Variants in CEP112 observed in about 807,000 individuals in gnomAD.
CEP112 encodes centrosomal protein 112.
In CEP112, 127 loss-of-function variants were observed where a neutral mutation model predicts 153.0. The ratio of observed to expected loss-of-function variants is 0.83; its 90% CI spans 0.72 to 0.96. CEP112 has a LOEUF of 0.96. CEP112 is among the 40% of genes least tolerant of loss of function. The pLI is 0.00. For missense variants in CEP112, 1,089 were observed against 1,101.2 expected (o/e 0.99, Z 0.16); for synonymous variants, 358 against 374.4 (o/e 0.96, Z 0.51).
intron 4 of CEP112, among the ~76,000 whole-genome samples, chr17:66,171,869 C>A (rs2072255131): frequency 6.6e-6 from 1 of 152,194 alleles, no homozygotes; most frequent in Non-Finnish European, 1.5e-5. Flanking sequence ...TGACATTTGA[C>A]AGAGGATATT....
At position 65,821,131 on chromosome 17, in the gene CEP112, ATGT is replaced by A. The variant is rs1326859361; in HGVS notation, c.2394+30670_2394+30672del. ...ACATTCTGAAAAAAAAAAACAAAAA[ATGT>A]TGTACAATGCTCTACACCTGGCTGG... On this transcript the variant is annotated intron_variant, in intron 21 of 26. Transcript: ENST00000535342. 3.4e-3 allele frequency among the ~76,000 whole-genome samples: 515 copies of A among 151,638 alleles called. 3 individuals carry two copies. The highest frequency in any genetic ancestry group is 0.012 in the African/African-American group (502 of 41,368).
chr17:65,878,074 A>G (rs1007187427), intron 20 of CEP112, among the ~76,000 whole-genome samples: 4 of 152,240 alleles, frequency 2.6e-5, no homozygotes, highest in East Asian at 1.9e-4. Context: ...TACTGTTTCA[A>G]TTACACAAGA....
At chr17:65,969,663 C>A (rs1370566198) in intron 17 of CEP112, among the ~76,000 whole-genome samples, 1 of 152,216 alleles carries the variant, frequency 6.6e-6, no homozygotes, top group East Asian at 1.9e-4. Context: ...ATGTATAACA[C>A]TGCATATTGC....
intron 20 of CEP112, among the ~76,000 whole-genome samples, chr17:65,871,881 C>T (rs2058680564): frequency 6.6e-6 from 1 of 152,154 alleles, no homozygotes; most frequent in African/African-American, 2.4e-5. Context: ...GCTCTTAATC[C>T]CTGCACCTGT....
chr17:65,706,135 A>G (rs2048900242), intron 23 of CEP112, among the ~76,000 whole-genome samples: 1 of 152,214 alleles, frequency 6.6e-6, no homozygotes, highest in African/African-American at 2.4e-5. Context: ...TAATAAAACT[A>G]AAAAAGAAAC....
chr17:65,919,179 T>C (rs2060609889), intron 19 of CEP112, among the ~76,000 whole-genome samples: 4 of 152,212 alleles, frequency 2.6e-5, no homozygotes, highest in Admixed American at 2.0e-4. Context: ...GTCTTCTTCA[T>C]GAGAACTTTG....
chr17:66,114,364 C>T (rs1479996985), intron 6 of CEP112, among the ~76,000 whole-genome samples: 2 of 152,078 alleles, frequency 1.3e-5, no homozygotes, highest in African/African-American at 2.4e-5. Context: ...GTCAAACTGA[C>T]ATAAGCAAAG....
chr17:65,850,005 T>C (rs2057868245), intron 21 of CEP112, among the ~76,000 whole-genome samples: 1 of 151,786 alleles, frequency 6.6e-6, no homozygotes, highest in South Asian at 2.1e-4. Context: ...AATACAAAAA[T>C]TAGCCAGACG....
rs142571411 is a variant in CEP112 at position 65,742,596 on chromosome 17, C to A, written c.2607+472G>T. On this transcript the variant is annotated intron_variant, in intron 23 of 26. Coordinates refer to ENST00000535342, the MANE Select transcript of CEP112 (RefSeq NM_001199165.4). ...AGTTTCTCAGCAGCAACACATCTATCCTGTACTGTGTCAAAGCACATCAAA... is the reference window on the plus strand; with the variant it reads ...AGTTTCTCAGCAGCAACACATCTATACTGTACTGTGTCAAAGCACATCAAA... 1.2e-3 allele frequency among the ~76,000 whole-genome samples: 177 copies of A among 152,296 alleles called. 1 individual carries two copies. Among genetic ancestry groups the A allele is most frequent in the Non-Finnish European group, 2.1e-3 (146 of 68,012 alleles).
chr17:66,124,761 G>A (rs2069763789), intron 6 of CEP112, among the ~76,000 whole-genome samples: 1 of 152,080 alleles, frequency 6.6e-6, no homozygotes, highest in African/African-American at 2.4e-5. Flanking sequence ...CACTATATCA[G>A]TGATTCTTCA....
At chr17:65,967,661 T>A (rs1487452786) in intron 17 of CEP112, among the ~76,000 whole-genome samples, 1 of 152,112 alleles carries the variant, frequency 6.6e-6, no homozygotes, top group Non-Finnish European at 1.5e-5. Flanking sequence ...AAGAAACAAT[T>A]CTCAGAGGAT....
chr17:65,768,697 T>C (rs779423152), intron 21 of CEP112, among the ~76,000 whole-genome samples: 4 of 152,130 alleles, frequency 2.6e-5, no homozygotes, highest in Non-Finnish European at 4.4e-5. Context: ...CACATGATCA[T>C]ATCAGTTGAC....
At chr17:65,870,439 T>C (rs1267258061) in intron 20 of CEP112, among the ~76,000 whole-genome samples, 1 of 152,196 alleles carries the variant, frequency 6.6e-6, no homozygotes, top group Non-Finnish European at 1.5e-5. Context: ...AAATGAAATA[T>C]CTACTACACG....
At chr17:66,156,983 A>T (rs1027254160) in intron 4 of CEP112, among the ~76,000 whole-genome samples, 5 of 152,196 alleles carry the variant, frequency 3.3e-5, no homozygotes, top group African/African-American at 1.2e-4. Flanking sequence ...AACTTCCCCA[A>T]CCTGGCAAGA....
intron 20 of CEP112, among the ~76,000 whole-genome samples, chr17:65,874,393 T>C: frequency 6.6e-6 from 1 of 152,150 alleles, no homozygotes; most frequent in East Asian, 1.9e-4. Flanking sequence ...ACAAAATCTT[T>C]AACGACCATT....
intron 25 of CEP112, among the ~76,000 whole-genome samples, chr17:65,639,525 G>A (rs2044979118): frequency 2.0e-5 from 3 of 151,550 alleles, no homozygotes; most frequent in South Asian, 4.2e-4. Flanking sequence ...ACAAACCCCC[G>A]TTTCTAAAAA....
chr17:66,009,533 T>C (rs573590554), intron 16 of CEP112, among the ~76,000 whole-genome samples: 43 of 152,308 alleles, frequency 2.8e-4, no homozygotes, highest in Admixed American at 1.0e-3. Context: ...TGTAAATCTT[T>C]GCCACTTTGT....
intron 22 of CEP112, among the ~76,000 whole-genome samples, chr17:65,745,002 GAC>G (rs2038400289): frequency 6.6e-6 from 1 of 152,160 alleles, no homozygotes; most frequent in African/African-American, 2.4e-5. Context: ...ATTATTTGGT[GAC>G]AAAACAAGAT....
At chr17:65,984,269 G>A (rs1272501952) in intron 17 of CEP112, among the ~76,000 whole-genome samples, 2 of 152,094 alleles carry the variant, frequency 1.3e-5, no homozygotes, top group Admixed American at 6.6e-5. Flanking sequence ...ATACTTTAAA[G>A]GCAGTTGTGA....
Sources: gnomAD v4.1 joint callset for allele counts (sites outside exome capture counted in the v4.1 genomes callset) on GRCh38, gnomAD v4.1.1 for gene constraint, MANE v1.5 for transcripts, NCBI Gene and HGNC (gene_info 2026-07-23, HGNC 2026-07-21) for gene names.